LDHC: variants seen among roughly 807,000 people sequenced by gnomAD.
LDHC encodes lactate dehydrogenase C.
LDHC carries 20 observed loss-of-function variants against 30.2 expected under a neutral mutation model. That is an observed-to-expected ratio of 0.66 (90% CI 0.47 to 0.96). The LOEUF is 0.96. Ranked by LOEUF, LDHC falls within the 40% of genes least tolerant of loss-of-function variation. LDHC has a pLI of 0.00. For missense variants in LDHC, 362 were observed against 394.9 expected (o/e 0.92, Z 0.71); for synonymous variants, 139 against 132.7 (o/e 1.05, Z -0.32).
At chr11:18,425,714 TG>T (rs1323812502) in intron 3 of LDHC, among the ~76,000 whole-genome samples, 1 of 151,636 alleles carries the variant, frequency 6.6e-6, no homozygotes, top group Non-Finnish European at 1.5e-5. Flanking sequence ...CTGAGGTGGG[TG>T]GATCACAAGG....
chr11:18,451,282 TGG>T lies in LDHC; in HGVS notation c.*156_*157del. 2.0e-6 allele frequency: 1 copy of T among 505,026 alleles called. No homozygotes were observed. Among genetic ancestry groups the T allele is most frequent in the Non-Finnish European group, 3.4e-6 (1 of 295,864 alleles). 31.3% of individuals were successfully genotyped at this position (505,026 alleles called of 1,614,324 possible). A position where few individuals can be genotyped will look rare whatever the true frequency, so the allele number is the denominator to read the frequency against. ...GTCTCTCAAGATTAGAACGAGCAAATGGTAAAGAGATTTTCCTCTTTAAGAAT... is the reference window on the plus strand; with the variant it reads ...GTCTCTCAAGATTAGAACGAGCAAATTAAAGAGATTTTCCTCTTTAAGAAT... On this transcript the variant is annotated 3_prime_UTR_variant, in exon 8 of 8. Coordinates refer to ENST00000541669, the MANE Select transcript of LDHC (RefSeq NM_017448.5).
At chr11:18,428,576 A>T (rs956550069) in intron 3 of LDHC, among the ~76,000 whole-genome samples, 30 of 152,054 alleles carry the variant, frequency 2.0e-4, no homozygotes, top group East Asian at 1.5e-3. Context: ...AGTGCTTTTT[A>T]AAAAAGTCCA....
intron 3 of LDHC, among the ~76,000 whole-genome samples, chr11:18,425,178 A>AT (rs113339108): frequency 1.6e-3 from 237 of 146,896 alleles, no homozygotes; most frequent in Middle Eastern, 3.5e-3. Context: ...AAATTTGGGG[A>AT]TTTTTTTTTT....
At position 18,451,285 on chromosome 11, in the gene LDHC, T is replaced by TCC; in HGVS notation, c.*158_*159insCC. 2.0e-6 allele frequency: 1 copy of TCC among 498,490 alleles called. No individual in the cohort carries two copies. Among genetic ancestry groups the TCC allele is most frequent in the Non-Finnish European group, 3.4e-6 (1 of 291,426 alleles). The allele number at this position is 498,490 out of a possible 1,614,324, so 30.9% of individuals were successfully genotyped here. A position where few individuals can be genotyped will look rare whatever the true frequency, so the allele number is the denominator to read the frequency against. ...TCTCAAGATTAGAACGAGCAAATGGTAAAGAGATTTTCCTCTTTAAGAATC... is the reference window on the plus strand; with the variant it reads ...TCTCAAGATTAGAACGAGCAAATGGTCCAAAGAGATTTTCCTCTTTAAGAATC... On this transcript the variant is annotated 3_prime_UTR_variant, in exon 8 of 8. Transcript: ENST00000541669.
At chr11:18,438,680 T>C (rs778378271) in intron 6 of LDHC, 35 bp downstream of exon 6, 4 of 1,070,062 alleles carry the variant, frequency 3.7e-6, no homozygotes, top group Non-Finnish European at 5.8e-6. Context: ...AATGCCTTAA[T>C]AGTCAGTCTT....
chr11:18,438,397 A>G, intron 5 of LDHC, 131 bp from the exon 6 acceptor site: 4 of 630,718 alleles, frequency 6.3e-6, no homozygotes, highest in East Asian at 5.3e-5. Context: ...TTACATTTCA[A>G]CATGAGATTT....
intron 3 of LDHC, among the ~76,000 whole-genome samples, chr11:18,428,166 C>CTTTTTTTTT (rs35861956): frequency 2.1e-4 from 20 of 94,838 alleles, no homozygotes; most frequent in African/African-American, 3.1e-4. Context: ...CTTTCTCTCT[C>CTTTTTTTTT]TTTTTTTTTT....
At chr11:18,415,112 C>G (rs1565045852) in intron 2 of LDHC, 72 bp from the exon 3 acceptor site, 3 of 737,236 alleles carry the variant, frequency 4.1e-6, no homozygotes, top group Non-Finnish European at 7.0e-6. Flanking sequence ...ATCAAGTAGC[C>G]ACATGAAAAT....
chr11:18,434,716 C>A lies in LDHC; in HGVS notation c.419-24C>A. ...TTTTTAAGTTATGATGAATCTTTTT[C>A]TAACACAAAATTTTTCTTCTTAGTG... On this transcript the variant is annotated intron_variant, in intron 4 of 7. Coordinates refer to ENST00000541669, the MANE Select transcript of LDHC (RefSeq NM_017448.5). 3 of 1,486,450 alleles carry A rather than the reference C, an allele frequency of 2.0e-6. No homozygotes were observed. In the South Asian group the frequency reaches 3.6e-5, roughly 18 times the overall value. The allele number at this position is 1,486,450 out of a possible 1,614,324, so 92.1% of individuals were successfully genotyped here. A position where few individuals can be genotyped will look rare whatever the true frequency, so the allele number is the denominator to read the frequency against.
At chr11:18,416,309 ATAGAACATAAGAAATT>A (rs1320820596) in intron 3 of LDHC, among the ~76,000 whole-genome samples, 1 of 152,244 alleles carries the variant, frequency 6.6e-6, no homozygotes, top group East Asian at 1.9e-4. Context: ...GCATGAGGCC[ATAGAACATAAGAAATT>A]TAGAACTTGG....
intron 4 of LDHC, among the ~76,000 whole-genome samples, chr11:18,432,377 C>T (rs1316869270): frequency 3.3e-5 from 5 of 152,092 alleles, no homozygotes; most frequent in African/African-American, 1.2e-4. Context: ...ATTTTATGGC[C>T]TATCATATGG....
chr11:18,437,828 G>A (rs1848383863), intron 5 of LDHC, among the ~76,000 whole-genome samples: 1 of 151,916 alleles, frequency 6.6e-6, no homozygotes, highest in South Asian at 2.1e-4. Flanking sequence ...ACTTTTGGAG[G>A]CCAACGCGTG....
Position 18,444,461 on chromosome 11 carries a change from C to T in LDHC, c.711-1749C>T, listed in dbSNP as rs188803293. ...TTTTACTTACCCCCGGAGTCTTGGCCGTACAGAATTGAGGGTCTAAAAGTA... is the reference window on the plus strand; with the variant it reads ...TTTTACTTACCCCCGGAGTCTTGGCTGTACAGAATTGAGGGTCTAAAAGTA... On this transcript the variant is annotated intron_variant, in intron 6 of 7. Coordinates refer to ENST00000541669, the MANE Select transcript of LDHC (RefSeq NM_017448.5). Among the ~76,000 whole-genome samples, 38 of 151,436 alleles carry T rather than the reference C, an allele frequency of 2.5e-4. 1 individual carries two copies. Among genetic ancestry groups the T allele is most frequent in the Middle Eastern group, 3.4e-3 (1 of 292 alleles).
At chr11:18,413,796 C>T (rs1031105475) in intron 2 of LDHC, among the ~76,000 whole-genome samples, 3 of 152,118 alleles carry the variant, frequency 2.0e-5, no homozygotes, top group East Asian at 1.9e-4. Flanking sequence ...CCTTACTGTT[C>T]GCTTTTGGAA....
intron 7 of LDHC, among the ~76,000 whole-genome samples, chr11:18,449,423 T>G (rs1239791306): frequency 1.9e-4 from 16 of 85,072 alleles, no homozygotes; most frequent in African/African-American, 8.6e-4. Flanking sequence ...CGAGACACTG[T>G]CTCCTAAAAA....
In LDHC at chr11:18,412,365, G is replaced by C. The variant is rs1215677424; in HGVS notation, c.-53G>C. Reference sequence around the variant, plus strand: ...CGACGGGCTTAGCGCCTCAACTGTCGTTGGTGTATTTTTCTGGTGTCACTT... The same window carrying C: ...CGACGGGCTTAGCGCCTCAACTGTCCTTGGTGTATTTTTCTGGTGTCACTT... On this transcript the variant is annotated 5_prime_UTR_variant, in exon 1 of 8. Transcript: ENST00000541669. 1 of 173,866 alleles carries C rather than the reference G, an allele frequency of 5.8e-6. No individual in the cohort carries two copies. The highest frequency in any genetic ancestry group is 2.4e-5 in the African/African-American group (1 of 42,058). The allele number at this position is 173,866 out of a possible 1,614,324, so 10.8% of individuals were successfully genotyped here. A position where few individuals can be genotyped will look rare whatever the true frequency, so the allele number is the denominator to read the frequency against.
At chr11:18,442,472 A>C (rs934833844) in intron 6 of LDHC, among the ~76,000 whole-genome samples, 3 of 152,182 alleles carry the variant, frequency 2.0e-5, no homozygotes, top group African/African-American at 4.8e-5. Flanking sequence ...TAGAAAAGAC[A>C]AGTTAGTACA....
chr11:18,424,491 T>G (rs1298725414), intron 3 of LDHC, among the ~76,000 whole-genome samples: 1 of 152,156 alleles, frequency 6.6e-6, no homozygotes, highest in Non-Finnish European at 1.5e-5. Context: ...AAGAAAACTT[T>G]TGCACATGCG....
chr11:18,437,507 C>G (rs1359644728), intron 5 of LDHC, among the ~76,000 whole-genome samples: 1 of 151,900 alleles, frequency 6.6e-6, no homozygotes, highest in Non-Finnish European at 1.5e-5. Context: ...AATCCCAGCA[C>G]TTTGGGAGGC....
Sources: gnomAD v4.1 joint callset for allele counts (sites outside exome capture counted in the v4.1 genomes callset) on GRCh38, gnomAD v4.1.1 for gene constraint, MANE v1.5 for transcripts, NCBI Gene and HGNC (gene_info 2026-07-23, HGNC 2026-07-21) for gene names.